RTEL1: variants seen among roughly 807,000 people sequenced by gnomAD.
RTEL1 encodes the protein regulator of telomere length.
In RTEL1, 86 loss-of-function variants were observed where a neutral mutation model predicts 162.2. That is an observed-to-expected ratio of 0.53 (90% CI 0.45 to 0.63). The LOEUF is 0.63. Ranked by LOEUF, RTEL1 falls within the 30% of genes least tolerant of loss-of-function variation. The probability of loss-of-function intolerance (pLI) is 0.00; values close to 1 mark genes in which losing one functional copy is unlikely to be tolerated. For missense variants in RTEL1, 1,941 were observed against 1,750.2 expected, an observed-to-expected ratio of 1.11 and a Z score of -1.95; for synonymous variants, 958 against 717.9, an observed-to-expected ratio of 1.33 and a Z score of -5.35.
chr20:63,685,855 C>G lies in RTEL1; in HGVS notation c.1331C>G (p.Thr444Ser), dbSNP rs763825991. 6.8e-6 allele frequency: 11 copies of G among 1,612,528 alleles called. No homozygotes were observed. Among genetic ancestry groups the G allele is most frequent in the South Asian group, 2.2e-5 (2 of 91,030 alleles). Residue 444 changes from threonine to serine, a missense_variant, in exon 16 of 35, where the codon ACT becomes AGT. Transcript: ENST00000360203. Reference sequence around the variant, plus strand: ...CAGCGGTCTGATGCCTGGAGCACCACTGCAGCCAGAAAGCGAGGTACAGAC... The same window carrying G: ...CAGCGGTCTGATGCCTGGAGCACCAGTGCAGCCAGAAAGCGAGGTACAGAC... The part of the protein sequence containing the change: ...TAQRSDAWST[T>S]AARKRGKVLS...
intron 24 of RTEL1, 59 bp from the exon 25 acceptor site, chr20:63,690,028 G>A: frequency 6.3e-7 from 1 of 1,585,938 alleles, no homozygotes; most frequent in Non-Finnish European, 8.6e-7. Context: ...CTTCACTTCG[G>A]TGAACTGAAC....
At chr20:63,665,811 C>T (rs1373583612) in intron 6 of RTEL1, among the ~76,000 whole-genome samples, 193 bp from the exon 7 acceptor site, 2 of 152,144 alleles carry the variant, frequency 1.3e-5, no homozygotes, top group African/African-American at 4.8e-5. Flanking sequence ...AGGATTCCCT[C>T]AGGATCACTC....
intron 12 of RTEL1, among the ~76,000 whole-genome samples, chr20:63,679,150 G>A (rs1414012357): frequency 6.6e-6 from 1 of 152,210 alleles, no homozygotes; most frequent in East Asian, 1.9e-4. Context: ...GGGCAGCAGG[G>A]TTTGCTGTCT....
intron 10 of RTEL1, among the ~76,000 whole-genome samples, chr20:63,675,633 C>T (rs964458293): frequency 5.3e-5 from 8 of 152,136 alleles, no homozygotes; most frequent in South Asian, 2.1e-4. Context: ...CCCGTCTCAG[C>T]GTCTTAAAGC....
At chr20:63,659,604 G>A (rs973426844) in intron 2 of RTEL1, 100 bp downstream of exon 2, 3 of 878,834 alleles carry the variant, frequency 3.4e-6, no homozygotes, top group African/African-American at 1.7e-5. Flanking sequence ...AGGCCCCTCC[G>A]GGCCAGAGGC....
intron 7 of RTEL1, among the ~76,000 whole-genome samples, chr20:63,667,063 T>C (rs535017221): frequency 6.6e-6 from 1 of 151,792 alleles, no homozygotes; most frequent in Non-Finnish European, 1.5e-5. Context: ...ATGGTCTCGA[T>C]CTTCTGACCT....
At chr20:63,681,707 T>C (rs752551447) in intron 14 of RTEL1, 6 of 984,842 alleles carry the variant, frequency 6.1e-6, no homozygotes, top group Middle Eastern at 1.0e-3. Context: ...AGGGACCAGG[T>C]GGGGTGGGCA....
intron 28 of RTEL1, 42 bp from the exon 29 acceptor site, chr20:63,692,763 A>G (rs754393146): frequency 3.2e-6 from 5 of 1,576,354 alleles, no homozygotes; most frequent in Admixed American, 3.4e-5. Flanking sequence ...GGACCAGATG[A>G]TGAGGCTGGC....
intron 10 of RTEL1, among the ~76,000 whole-genome samples, chr20:63,676,094 G>T (rs570772037): frequency 4.2e-4 from 64 of 152,010 alleles, no homozygotes; most frequent in African/African-American, 1.4e-3. Context: ...TTGGAGATGG[G>T]GTCTCACTCT....
intron 2 of RTEL1, among the ~76,000 whole-genome samples, chr20:63,659,810 G>GC (rs59677451): frequency 0.25 from 37,509 of 152,100 alleles, 5,192 homozygotes; most frequent in South Asian, 0.36. Flanking sequence ...GGGGACCGGC[G>GC]CTCAGCATAC....
In RTEL1 at chr20:63,661,253, C is replaced by T; in HGVS notation, c.103-45C>T. 1.9e-6 allele frequency: 3 copies of T among 1,578,626 alleles called. No individual in the cohort carries two copies. Among genetic ancestry groups the T allele is most frequent in the African/African-American group, 1.3e-5 (1 of 74,258 alleles). On this transcript the variant is annotated intron_variant, in intron 2 of 34. Coordinates refer to ENST00000360203, the MANE Select transcript of RTEL1 (RefSeq NM_001283009.2). This position sits in a 1 kb window ranked among gnomAD's most constrained non-coding sequence, Gnocchi z 5.1. ...TCTCAGGGCAGCTTGTGTGGCCTCG[C>T]CTCTTCCTGGCTTCCCCGTAACCCT...
At position 63,694,379 on chromosome 20, in the gene RTEL1, G is replaced by A. The variant is rs139384702; in HGVS notation, c.3000G>A (p.Thr1000=). 153 of 1,577,146 alleles carry A rather than the reference G, an allele frequency of 9.7e-5. No homozygotes were observed. The East Asian group carries it at 1.1e-3, about 11-fold the overall frequency. ...TCTACATCTCTTCATCAGGAAGAAC[G>A]GCGCCGGATCCCAAGCTGACCGTGT... The part of the protein sequence containing the change: ...AQPVLDPTGR[T]APDPKLTVST... Residue 1000 remains threonine (T), a synonymous_variant, in exon 31 of 35, where the codon ACG becomes ACA. Transcript: ENST00000360203.
chr20:63,663,772 C>G (rs1420019951), intron 6 of RTEL1, among the ~76,000 whole-genome samples: 1 of 152,166 alleles, frequency 6.6e-6, no homozygotes, highest in East Asian at 1.9e-4. Context: ...AAGGCATCGG[C>G]GGTCCTGTGG....
At chr20:63,690,625 G>T (rs926127249) in intron 26 of RTEL1, among the ~76,000 whole-genome samples, 180 bp from the exon 27 acceptor site, 7 of 152,214 alleles carry the variant, frequency 4.6e-5, no homozygotes, top group African/African-American at 1.7e-4. Context: ...TCCCCTACAG[G>T]CAGAGAACGC....
At chr20:63,667,624 C>A in intron 8 of RTEL1, 71 bp downstream of exon 8, 1 of 1,251,858 alleles carries the variant, frequency 8.0e-7, no homozygotes, top group South Asian at 1.2e-5. Flanking sequence ...AACAGCTGTC[C>A]GAGCCTTTGC....
At position 63,682,153 on chromosome 20, in the gene RTEL1, A is replaced by G. The variant is rs1056891239; in HGVS notation, c.1191+1434A>G. The G allele has an allele frequency of 9.1e-6, 9 of 985,186 alleles. No homozygotes were observed. The East Asian group carries it at 7.9e-4, about 87-fold the overall frequency. 61.0% of individuals were successfully genotyped at this position (985,186 alleles called of 1,614,324 possible). A position where few individuals can be genotyped will look rare whatever the true frequency, so the allele number is the denominator to read the frequency against. ...CTTATGGAGAAGTCTCCTCCACACT[A>G]TGGAACTGAATCCTAGAATGTGGCT... On this transcript the variant is annotated intron_variant, in intron 14 of 34. Transcript: ENST00000360203.
At chr20:63,693,383 GGC>G in intron 30 of RTEL1, 100 bp downstream of exon 30, 1 of 1,438,782 alleles carries the variant, frequency 7.0e-7, no homozygotes. Context: ...GGCCCTGCTT[GGC>G]CCCGCCTCTC....
Position 63,662,541 on chromosome 20 carries a change from A to C in RTEL1, c.396-5A>C, listed in dbSNP as rs761890952. 1 of 1,613,754 alleles carries C rather than the reference A, an allele frequency of 6.2e-7. No homozygotes were observed. The highest frequency in any genetic ancestry group is 1.1e-5 in the South Asian group (1 of 91,040). ...TCCTCGACCCACGGTGCTCTCTCCC[A>C]CCAGGCCTAAGGTGTGTGTGCTGGG... On this transcript the variant is annotated splice_polypyrimidine_tract_variant and splice_region_variant and intron_variant, in intron 4 of 34. Coordinates refer to ENST00000360203, the MANE Select transcript of RTEL1 (RefSeq NM_001283009.2).
At chr20:63,670,976 T>C (rs1386413716) in intron 8 of RTEL1, among the ~76,000 whole-genome samples, 1 of 152,216 alleles carries the variant, frequency 6.6e-6, no homozygotes, top group African/African-American at 2.4e-5. Flanking sequence ...GGGCGTGGAC[T>C]GTGGTCACAC....
Sources: gnomAD v4.1 joint callset for allele counts (sites outside exome capture counted in the v4.1 genomes callset) on GRCh38, gnomAD v4.1.1 for gene constraint, Gnocchi (gnomAD v3.1) non-coding constraint, MANE v1.5 for transcripts, NCBI Gene and HGNC (gene_info 2026-07-23, HGNC 2026-07-21) for gene names.